Variants in STIM2 observed in about 807,000 individuals in gnomAD.
The protein encoded by STIM2 is stromal interaction molecule 2.
STIM2 carries 31 observed loss-of-function variants against 85.8 expected under a neutral mutation model. The ratio of observed to expected loss-of-function variants is 0.36; its 90% CI spans 0.27 to 0.49. The LOEUF is 0.49. Among genes scored for constraint, STIM2 ranks in the 20% least tolerant of loss-of-function variants. The pLI is 0.98. For missense variants in STIM2, 841 were observed against 927.6 expected (o/e 0.91, Z 1.21); for synonymous variants, 356 against 331.1 (o/e 1.08, Z -0.82).
intron 1 of STIM2, among the ~76,000 whole-genome samples, chr4:26,868,651 G>A (rs1299688849): frequency 6.6e-6 from 1 of 152,102 alleles, no homozygotes; most frequent in South Asian, 2.1e-4. Context: ...ACTGCAAGTT[G>A]CACAGGCCCA....
chr4:26,930,787 A>G (rs1441740893), intron 2 of STIM2, among the ~76,000 whole-genome samples: 2 of 152,182 alleles, frequency 1.3e-5, no homozygotes, highest in African/African-American at 4.8e-5. Context: ...TTAAATACAT[A>G]TATTTTTTGC....
At chr4:26,981,145 A>G (rs1387128285) in intron 3 of STIM2, among the ~76,000 whole-genome samples, 2 of 152,204 alleles carry the variant, frequency 1.3e-5, no homozygotes, top group Non-Finnish European at 2.9e-5. Flanking sequence ...AACACTTACT[A>G]GATTTGTGAC....
In STIM2 at chr4:26,861,516, G is replaced by C. The variant is rs1025431179; in HGVS notation, c.151+147G>C. On this transcript the variant is annotated intron_variant, in intron 1 of 11. Transcript: ENST00000467087. The stretch of plus-strand genomic sequence containing the variant: ...GGAGCCCTGCCTGCTGCTTCGTCGC[G>C]GTCCCCTGCACTCCGGACGTCTTTC... 4 of 1,181,526 alleles carry C rather than the reference G, an allele frequency of 3.4e-6. No individual in the cohort carries two copies. The African/African-American group carries it at 4.8e-5, about 14-fold the overall frequency. The allele number at this position is 1,181,526 out of a possible 1,614,324, so 73.2% of individuals were successfully genotyped here.
chr4:26,936,850 C>T (rs1020917306), intron 2 of STIM2, among the ~76,000 whole-genome samples: 4 of 152,142 alleles, frequency 2.6e-5, no homozygotes, highest in African/African-American at 4.8e-5. Flanking sequence ...AGTTCAGTGG[C>T]GTGAACATGA....
Position 26,910,385 on chromosome 4 carries a change from G to A in STIM2, c.152-9119G>A, listed in dbSNP as rs571692050. ...TAAAAAAAATAAAAATTATCTGAGCGTGTTGGCGAGCGCCTGTAATTCCAG... is the reference window on the plus strand; with the variant it reads ...TAAAAAAAATAAAAATTATCTGAGCATGTTGGCGAGCGCCTGTAATTCCAG... On this transcript the variant is annotated intron_variant, in intron 1 of 11. Coordinates refer to ENST00000467087, the MANE Select transcript of STIM2 (RefSeq NM_020860.4). Among the ~76,000 whole-genome samples the A allele has an allele frequency of 1.4e-4, 21 of 152,134 alleles. No individual in the cohort carries two copies. The East Asian group carries it at 2.9e-3, about 21-fold the overall frequency.
chr4:26,978,012 T>C (rs2109110977), intron 3 of STIM2, among the ~76,000 whole-genome samples: 1 of 152,172 alleles, frequency 6.6e-6, no homozygotes, highest in East Asian at 1.9e-4. Context: ...GACTTGACAA[T>C]TGGATTGGCA....
rs749822288 is a variant in STIM2 at position 27,021,021 on chromosome 4, C to A, written c.1764-1498C>A. ...AACAGTATTCACCTTGGGCTCGGTGCGTGCAAAAGTGAATGAGACTAAGTA... is the reference window on the plus strand; with the variant it reads ...AACAGTATTCACCTTGGGCTCGGTGAGTGCAAAAGTGAATGAGACTAAGTA... On this transcript the variant is annotated intron_variant, in intron 11 of 11. Coordinates refer to ENST00000467087, the MANE Select transcript of STIM2 (RefSeq NM_020860.4). 3 of 1,536,346 alleles carry A rather than the reference C, an allele frequency of 2.0e-6. No individual in the cohort carries two copies. The South Asian group carries it at 3.6e-5, about 18-fold the overall frequency.
intron 4 of STIM2, among the ~76,000 whole-genome samples, chr4:26,997,130 G>A (rs796790152): frequency 1.6e-4 from 24 of 152,198 alleles, no homozygotes; most frequent in African/African-American, 5.8e-4. Flanking sequence ...TATAGTAATG[G>A]AAATTAGATG....
chr4:26,883,396 C>G (rs938418190), intron 1 of STIM2, among the ~76,000 whole-genome samples: 6 of 152,016 alleles, frequency 3.9e-5, no homozygotes, highest in African/African-American at 1.5e-4. Flanking sequence ...AAATTGGAAA[C>G]ATATGTATGC....
intron 1 of STIM2, among the ~76,000 whole-genome samples, chr4:26,885,932 C>CCAT (rs1723231678): frequency 7.0e-6 from 1 of 143,540 alleles, no homozygotes; most frequent in Non-Finnish European, 1.5e-5. Flanking sequence ...CTGAGACATT[C>CCAT]CATTATGGCT....
chr4:26,957,901 C>G (rs1157866082), intron 3 of STIM2, among the ~76,000 whole-genome samples, 175 bp downstream of exon 3: 2 of 151,992 alleles, frequency 1.3e-5, no homozygotes, highest in African/African-American at 4.8e-5. Flanking sequence ...TGATTTTTAT[C>G]TTTCTGAGAG....
At chr4:26,921,119 G>A (rs1261366678) in intron 2 of STIM2, among the ~76,000 whole-genome samples, 1 of 152,186 alleles carries the variant, frequency 6.6e-6, no homozygotes, top group African/African-American at 2.4e-5. Flanking sequence ...AGAACGCCAT[G>A]TGGAGTCACA....
chr4:26,955,961 G>A (rs931300066), intron 2 of STIM2, among the ~76,000 whole-genome samples: 1 of 152,102 alleles, frequency 6.6e-6, no homozygotes, highest in South Asian at 2.1e-4. Flanking sequence ...TTATACAATT[G>A]TTAAAATTTT....
intron 3 of STIM2, among the ~76,000 whole-genome samples, chr4:26,980,192 T>A (rs1441512406): frequency 6.6e-6 from 1 of 152,242 alleles, no homozygotes; most frequent in Non-Finnish European, 1.5e-5. Context: ...TTATAGAATA[T>A]AAGAATTTGC....
At chr4:26,979,397 C>A (rs546360187) in intron 3 of STIM2, among the ~76,000 whole-genome samples, 1 of 152,236 alleles carries the variant, frequency 6.6e-6, no homozygotes, top group East Asian at 1.9e-4. Flanking sequence ...TAACCACTCT[C>A]AAAAGAGAAA....
At chr4:26,861,967 A>G (rs540992465) in intron 1 of STIM2, among the ~76,000 whole-genome samples, 1 of 152,262 alleles carries the variant, frequency 6.6e-6, no homozygotes, top group South Asian at 2.1e-4. Context: ...GGCCGTTTTA[A>G]GTGGTGATGG....
At chr4:26,978,876 G>C in intron 3 of STIM2, among the ~76,000 whole-genome samples, 1 of 152,266 alleles carries the variant, frequency 6.6e-6, no homozygotes, top group Non-Finnish European at 1.5e-5. Context: ...TTGGGTGGGT[G>C]GTGTCTGGCA....
chr4:26,948,488 C>T (rs771776060), intron 2 of STIM2, among the ~76,000 whole-genome samples: 3 of 152,148 alleles, frequency 2.0e-5, no homozygotes, highest in Non-Finnish European at 2.9e-5. Flanking sequence ...TTTGATCAGG[C>T]ACAGTGGCGT....
intron 1 of STIM2, among the ~76,000 whole-genome samples, chr4:26,906,005 C>T (rs1724109602): frequency 6.6e-6 from 1 of 151,810 alleles, no homozygotes; most frequent in Non-Finnish European, 1.5e-5. Context: ...ACATATAAGG[C>T]CAGTTTTATA....
Sources: gnomAD v4.1 joint callset for allele counts (sites outside exome capture counted in the v4.1 genomes callset) on GRCh38, gnomAD v4.1.1 for gene constraint, MANE v1.5 for transcripts, NCBI Gene and HGNC (gene_info 2026-07-23, HGNC 2026-07-21) for gene names.